The following GATAD2A variants were observed in gnomAD, a reference collection of about 807,000 sequenced individuals.
GATAD2A encodes GATA zinc finger domain containing 2A, also known as transcriptional repressor p66-alpha.
In GATAD2A, 12 loss-of-function variants were observed where a neutral mutation model predicts 68.5. The observed-to-expected ratio is 0.18, with a 90% CI of 0.11 to 0.28. GATAD2A has a LOEUF of 0.28. Ranked by LOEUF, GATAD2A falls within the 10% of genes least tolerant of loss-of-function variation. The probability of loss-of-function intolerance (pLI) is 1.00; values close to 1 mark genes in which losing one functional copy is unlikely to be tolerated. For synonymous variants in GATAD2A, 410 were observed against 375.3 expected, an observed-to-expected ratio of 1.09 and a Z score of -1.07; for missense variants, 755 against 868.5, an observed-to-expected ratio of 0.87 and a Z score of 1.64.
intron 1 of GATAD2A, among the ~76,000 whole-genome samples, chr19:19,413,912 G>T (rs1219787531): frequency 6.6e-6 from 1 of 152,094 alleles, no homozygotes; most frequent in Non-Finnish European, 1.5e-5. Context: ...TAATACGTTC[G>T]TTTGATGAAC....
chr19:19,439,657 G>T (rs1169733437), intron 1 of GATAD2A, among the ~76,000 whole-genome samples: 1 of 152,122 alleles, frequency 6.6e-6, no homozygotes, highest in Non-Finnish European at 1.5e-5. Context: ...AGACCAGCAT[G>T]GCCAACATGG....
intron 2 of GATAD2A, among the ~76,000 whole-genome samples, chr19:19,468,060 A>G (rs1001483949): frequency 2.0e-5 from 3 of 152,258 alleles, no homozygotes; most frequent in African/African-American, 7.2e-5. Context: ...AAAATGAAAC[A>G]ATCTCAGCAT....
rs562559204 is a variant in GATAD2A, at chr19:19,489,711, G to A, written c.270-2595G>A. ...CATCTCACCTCTGGAAGAAGCACAC[G>A]CCCTCAATAAGATGATAAGAAGGGT... On this transcript the variant is annotated intron_variant, in intron 2 of 11. Transcript: ENST00000683918. 9.8e-5 allele frequency among the ~76,000 whole-genome samples: 15 copies of A among 152,320 alleles called. No individual in the cohort carries two copies. The South Asian group carries it at 2.9e-3, about 29-fold the overall frequency.
At chr19:19,475,675 G>A (rs1163360469) in intron 2 of GATAD2A, among the ~76,000 whole-genome samples, 1 of 152,194 alleles carries the variant, frequency 6.6e-6, no homozygotes, top group Non-Finnish European at 1.5e-5. Flanking sequence ...GAACTGAGAG[G>A]TATGTTCCCT....
intron 1 of GATAD2A, among the ~76,000 whole-genome samples, chr19:19,435,550 A>G (rs1477159058): frequency 6.6e-6 from 1 of 152,106 alleles, no homozygotes; most frequent in East Asian, 1.9e-4. Flanking sequence ...TGTCATTACT[A>G]TTATAATAAA....
At chr19:19,505,219 G>A (rs554748291) in intron 11 of GATAD2A, 125 bp from the exon 12 acceptor site, 2 of 830,572 alleles carry the variant, frequency 2.4e-6, no homozygotes, top group South Asian at 1.6e-5. Context: ...AGTGTGGGTG[G>A]GTTTGCAAGG....
intron 1 of GATAD2A, among the ~76,000 whole-genome samples, chr19:19,461,708 C>G (rs566123876): frequency 6.6e-6 from 1 of 152,216 alleles, no homozygotes; most frequent in Non-Finnish European, 1.5e-5. Context: ...GTGTGCGGGA[C>G]GTATCAGAGG....
At chr19:19,503,080 G>A (rs566941889) in intron 11 of GATAD2A, among the ~76,000 whole-genome samples, 1 of 152,296 alleles carries the variant, frequency 6.6e-6, no homozygotes, top group East Asian at 1.9e-4. Context: ...TGGGCTCTCC[G>A]GAGTCAGGTG....
At chr19:19,411,283 C>T (rs943734069) in intron 1 of GATAD2A, among the ~76,000 whole-genome samples, 1 of 152,222 alleles carries the variant, frequency 6.6e-6, no homozygotes, top group Admixed American at 6.5e-5. Flanking sequence ...TTGGGGCCTT[C>T]TTGACGATAC....
rs1307934865 is a variant in GATAD2A, at chr19:19,507,975, G to A, written c.*2501G>A. ...TGTGGGGTTTGGACGCACCAGGATA[G>A]CTATTGATTAATGTTAAGGGTGTTC... On this transcript the variant is annotated 3_prime_UTR_variant, in exon 12 of 12. Transcript: ENST00000683918. The A allele has an allele frequency of 6.6e-5, 10 of 152,182 alleles. No individual in the cohort carries two copies. The highest frequency in any genetic ancestry group is 1.9e-4 in the African/African-American group (8 of 41,426). 9.4% of individuals were successfully genotyped at this position (152,182 alleles called of 1,614,324 possible).
intron 1 of GATAD2A, chr19:19,458,319 A>T (rs2057124030): frequency 6.6e-6 from 1 of 152,250 alleles, no homozygotes; most frequent in African/African-American, 2.4e-5. Flanking sequence ...CCCTGGCCTC[A>T]GTCTGGGAGA....
intron 1 of GATAD2A, among the ~76,000 whole-genome samples, chr19:19,399,813 G>C (rs2049571130): frequency 1.3e-5 from 2 of 152,142 alleles, no homozygotes; most frequent in Non-Finnish European, 2.9e-5. Context: ...GTTTTCCTAA[G>C]TTGGCAGATC....
rs149577280 is a variant in GATAD2A, at chr19:19,461,798, G to A, written c.-6-3542G>A. On this transcript the variant is annotated intron_variant, in intron 1 of 11. Coordinates refer to ENST00000683918, the MANE Select transcript of GATAD2A (RefSeq NM_001384528.1). ...CCGGCCTGGGGTGTTTGGAGAGAGT[G>A]AGGAGGAGGGTGAGGCTGACCTTCA... Among the ~76,000 whole-genome samples, 786 of 152,366 alleles carry A rather than the reference G, an allele frequency of 5.2e-3. 2 individuals are homozygous for A. Among genetic ancestry groups the A allele is most frequent in the Non-Finnish European group, 7.3e-3 (497 of 68,034 alleles).
chr19:19,419,166 T>G (rs982854638), intron 1 of GATAD2A, among the ~76,000 whole-genome samples: 1 of 152,038 alleles, frequency 6.6e-6, no homozygotes, highest in Non-Finnish European at 1.5e-5. Flanking sequence ...AAGGGATGTC[T>G]GCACACACTC....
intron 1 of GATAD2A, among the ~76,000 whole-genome samples, chr19:19,460,625 ACCTTCCTTCCT>A (rs1220390525): frequency 6.6e-6 from 1 of 152,006 alleles, no homozygotes; most frequent in Non-Finnish European, 1.5e-5. Flanking sequence ...CTGTAGCCCA[ACCTTCCTTCCT>A]CAAATCTGCT....
intron 1 of GATAD2A, among the ~76,000 whole-genome samples, chr19:19,415,099 C>T (rs1485218170): frequency 7.7e-6 from 1 of 129,686 alleles, no homozygotes; most frequent in South Asian, 3.0e-4. Flanking sequence ...CCCCTCCCCC[C>T]AAAAAAACCC....
At chr19:19,438,197 G>GGT (rs1386816663) in intron 1 of GATAD2A, among the ~76,000 whole-genome samples, 2 of 152,184 alleles carry the variant, frequency 1.3e-5, no homozygotes, top group African/African-American at 4.8e-5. Context: ...AGAAACAGAG[G>GGT]GTAGGACTAG....
chr19:19,459,246 A>C (rs985803602), intron 1 of GATAD2A, among the ~76,000 whole-genome samples: 6 of 152,190 alleles, frequency 3.9e-5, no homozygotes, highest in South Asian at 2.1e-4. Flanking sequence ...AGAAATGTTT[A>C]CTATAGTAAG....
chr19:19,495,647 A>T, intron 5 of GATAD2A, 107 bp from the exon 6 acceptor site: 1 of 1,036,294 alleles, frequency 9.6e-7, no homozygotes, highest in Non-Finnish European at 1.3e-6. Flanking sequence ...AAAAAAAAAA[A>T]AAAAAAAACT....
Sources: allele counts gnomAD v4.1 joint callset (sites outside exome capture counted in the v4.1 genomes callset), GRCh38; gene constraint gnomAD v4.1.1; transcripts MANE v1.5; gene names NCBI Gene and HGNC (gene_info 2026-07-23, HGNC 2026-07-21).